ZCCHC24: variants seen among roughly 807,000 people sequenced by gnomAD.
The protein encoded by ZCCHC24 is zinc finger CCHC domain-containing protein 24.
Under a neutral mutation model 26.2 loss-of-function variants are expected in ZCCHC24, and 10 were observed. The observed-to-expected ratio is 0.38, with a 90% CI of 0.24 to 0.65. ZCCHC24 has a LOEUF of 0.65. Ranked by LOEUF, ZCCHC24 falls within the 30% of genes least tolerant of loss-of-function variation. The pLI is 0.54. For missense variants in ZCCHC24, 243 were observed against 329.1 expected, an observed-to-expected ratio of 0.74 and a Z score of 2.03; for synonymous variants, 144 against 147.1, an observed-to-expected ratio of 0.98 and a Z score of 0.15.
chr10:79,386,656 G>C (rs1856402242), intron 3 of ZCCHC24, among the ~76,000 whole-genome samples, 198 bp from the exon 4 acceptor site: 1 of 152,132 alleles, frequency 6.6e-6, no homozygotes, highest in Non-Finnish European at 1.5e-5. Context: ...GATGAGGGGT[G>C]GGGAGAGGGC....
Position 79,445,291 on chromosome 10 carries a change from G to A in ZCCHC24, c.150C>T (p.Pro50=), listed in dbSNP as rs1392553258. The A allele has an allele frequency of 2.0e-6, 3 of 1,486,598 alleles. No homozygotes were observed. Among genetic ancestry groups the A allele is most frequent in the Non-Finnish European group, 2.7e-6 (3 of 1,116,928 alleles). 92.1% of individuals were successfully genotyped at this position (1,486,598 alleles called of 1,614,324 possible). Residue 50 remains proline, a synonymous_variant, in exon 1 of 4, where the codon CCC becomes CCT. Transcript: ENST00000372336. ...FRPEPTAGAA[P]PELAFGKGRP... ...GGCCCTTGCCGAAGGCCAGCTCCGG[G>A]GGTGCGGCGCCGGCGGTCGGCTCGG...
chr10:79,418,102 G>T (rs1180104971), intron 2 of ZCCHC24, among the ~76,000 whole-genome samples: 15 of 152,232 alleles, frequency 9.9e-5, no homozygotes, highest in Admixed American at 9.8e-4. Flanking sequence ...TGAGGCAGGG[G>T]TCAGCTCACA....
chr10:79,399,659 C>A (rs1242375897), intron 2 of ZCCHC24, among the ~76,000 whole-genome samples: 1 of 152,146 alleles, frequency 6.6e-6, no homozygotes, highest in African/African-American at 2.4e-5. Context: ...AGGCTGGGAT[C>A]CTCACACGAG....
Position 79,383,767 on chromosome 10 carries a change from T to C in ZCCHC24, c.*2578A>G, listed in dbSNP as rs1856355739. On this transcript the variant is annotated 3_prime_UTR_variant, in exon 4 of 4. Coordinates refer to ENST00000372336, the MANE Select transcript of ZCCHC24 (RefSeq NM_153367.4). ...ATGCAGAAATTTTAACATCTATGAA[T>C]TTTTTTTCCAAAATACACACATATT... 1 of 152,514 alleles carries C rather than the reference T, an allele frequency of 6.6e-6. No individual in the cohort carries two copies. The highest frequency in any genetic ancestry group is 2.4e-5 in the African/African-American group (1 of 41,384). 9.4% of individuals were successfully genotyped at this position (152,514 alleles called of 1,614,324 possible).
intron 2 of ZCCHC24, among the ~76,000 whole-genome samples, chr10:79,418,789 C>T (rs1173998459): frequency 6.6e-6 from 1 of 152,190 alleles, no homozygotes; most frequent in Non-Finnish European, 1.5e-5. Flanking sequence ...AGATTTCTTA[C>T]CTCTTGAGGG....
intron 2 of ZCCHC24, among the ~76,000 whole-genome samples, chr10:79,408,101 T>G (rs1408551849): frequency 1.3e-5 from 2 of 152,186 alleles, no homozygotes; most frequent in Non-Finnish European, 2.9e-5. Context: ...CCACCACCGA[T>G]GTTTGCCTTG....
At chr10:79,413,786 G>A (rs893480294) in intron 2 of ZCCHC24, among the ~76,000 whole-genome samples, 4 of 128,922 alleles carry the variant, frequency 3.1e-5, no homozygotes, top group Non-Finnish European at 7.0e-5. Context: ...GTGTGAGAGA[G>A]AGAGAGAGAG....
At chr10:79,391,743 C>G (rs1430649911) in intron 3 of ZCCHC24, among the ~76,000 whole-genome samples, 1 of 151,854 alleles carries the variant, frequency 6.6e-6, no homozygotes, top group Non-Finnish European at 1.5e-5. Context: ...CCTTCTACCC[C>G]ATCAGAGCTG....
At chr10:79,427,223 A>G (rs1385832168) in intron 2 of ZCCHC24, among the ~76,000 whole-genome samples, 3 of 152,230 alleles carry the variant, frequency 2.0e-5, no homozygotes, top group Non-Finnish European at 4.4e-5. Context: ...GAAGAAAGAA[A>G]TAGACAAACA....
chr10:79,397,004 CA>C (rs1331668753), intron 2 of ZCCHC24, among the ~76,000 whole-genome samples: 1 of 152,142 alleles, frequency 6.6e-6, no homozygotes, highest in Non-Finnish European at 1.5e-5. Flanking sequence ...TAATGTAGAA[CA>C]AAAAGTGGTA....
At chr10:79,401,497 T>C (rs1024961982) in intron 2 of ZCCHC24, among the ~76,000 whole-genome samples, 1 of 152,218 alleles carries the variant, frequency 6.6e-6, no homozygotes, top group African/African-American at 2.4e-5. Context: ...CCAAGCCACC[T>C]AACGTGGGCT....
chr10:79,404,725 A>G (rs1006687618), intron 2 of ZCCHC24, among the ~76,000 whole-genome samples: 1 of 152,176 alleles, frequency 6.6e-6, no homozygotes, highest in African/African-American at 2.4e-5. Context: ...GAATCTCCCC[A>G]AATACTTAAA....
At chr10:79,406,340 G>C (rs1239335191) in intron 2 of ZCCHC24, among the ~76,000 whole-genome samples, 1 of 152,200 alleles carries the variant, frequency 6.6e-6, no homozygotes, top group Non-Finnish European at 1.5e-5. Context: ...TGTGGCACCT[G>C]TTCTTCAATT....
At chr10:79,387,442 G>A (rs1009098622) in intron 3 of ZCCHC24, among the ~76,000 whole-genome samples, 4 of 152,228 alleles carry the variant, frequency 2.6e-5, no homozygotes, top group Non-Finnish European at 5.9e-5. Context: ...AGCTGGCGAA[G>A]ACTTGTTTCC....
intron 2 of ZCCHC24, among the ~76,000 whole-genome samples, chr10:79,408,237 C>T (rs531903845): frequency 1.3e-5 from 2 of 152,316 alleles, no homozygotes; most frequent in Admixed American, 1.3e-4. Flanking sequence ...TTGACCCCAG[C>T]TTAGCTCCCT....
At chr10:79,392,720 T>TC (rs1381429003) in intron 3 of ZCCHC24, among the ~76,000 whole-genome samples, 5 of 152,148 alleles carry the variant, frequency 3.3e-5, no homozygotes, top group Non-Finnish European at 7.4e-5. Context: ...CACACCAGCC[T>TC]CCCCTAACAC....
chr10:79,396,713 T>A (rs1036704711), intron 2 of ZCCHC24, among the ~76,000 whole-genome samples: 2 of 152,204 alleles, frequency 1.3e-5, no homozygotes, highest in Non-Finnish European at 2.9e-5. Context: ...CATATGCCAT[T>A]ACGTTAAAGA....
chr10:79,387,121 C>T lies in ZCCHC24; in HGVS notation c.613-663G>A, dbSNP rs562519044. The stretch of plus-strand genomic sequence containing the variant: ...TTGATTGACCCCCACATCTCAGGGC[C>T]GGCCCAGTGCCCTATTTGTTGAGGC... On this transcript the variant is annotated intron_variant, in intron 3 of 3. Coordinates refer to ENST00000372336, the MANE Select transcript of ZCCHC24 (RefSeq NM_153367.4). Among the ~76,000 whole-genome samples, 8 of 152,262 alleles carry T rather than the reference C, an allele frequency of 5.3e-5. No individual in the cohort carries two copies. In the South Asian group the frequency reaches 6.2e-4, roughly 12 times the overall value.
chr10:79,395,214 GT>G (rs35926281), intron 2 of ZCCHC24, among the ~76,000 whole-genome samples: 7 of 150,864 alleles, frequency 4.6e-5, no homozygotes, highest in African/African-American at 1.5e-4. Flanking sequence ...CCTGGCTACT[GT>G]TTTTTTTTAC....
Sources: allele counts gnomAD v4.1 joint callset (sites outside exome capture counted in the v4.1 genomes callset), GRCh38; gene constraint gnomAD v4.1.1; transcripts MANE v1.5; gene names NCBI Gene and HGNC (gene_info 2026-07-23, HGNC 2026-07-21).